The following MARCKSL1 variants were observed in gnomAD, a reference collection of about 807,000 sequenced individuals.
MARCKSL1 encodes the protein MARCKS like 1.
In MARCKSL1, 5 loss-of-function variants were observed where a neutral mutation model predicts 13.3. The ratio of observed to expected loss-of-function variants is 0.38; its 90% CI spans 0.20 to 0.79. The LOEUF (loss-of-function observed/expected upper bound fraction) is 0.79, where lower values mean the gene tolerates loss of function less well. Among genes scored for constraint, MARCKSL1 ranks in the 30% least tolerant of loss-of-function variants. The pLI, the probability that MARCKSL1 is intolerant of heterozygous loss-of-function variation, is 0.45. For synonymous variants in MARCKSL1, 126 were observed against 103.2 expected (o/e 1.22, Z -1.34); for missense variants, 274 against 251.6 (o/e 1.09, Z -0.60).
In MARCKSL1 at chr1:32,334,687, T is replaced by C; in HGVS notation, c.498A>G (p.Glu166=). 6.2e-7 allele frequency: 1 copy of C among 1,612,306 alleles called. No individual in the cohort carries two copies. The highest frequency in any genetic ancestry group is 2.2e-5 in the East Asian group (1 of 44,880). Residue 166 remains glutamate, a synonymous_variant, in exon 2 of 2, where the codon GAA becomes GAG. Coordinates refer to ENST00000329421, the MANE Select transcript of MARCKSL1 (RefSeq NM_023009.7). ...AKGAEASAAS[E]EEAGPQATEP... ...CTGTAGCCTGGGGCCCTGCCTCTTC[T>C]TCTGAGGCTGCACTAGCCTCTGCCC...
Position 32,334,497 on chromosome 1 carries a change from T to C in MARCKSL1, c.*100A>G. The C allele has an allele frequency of 4.9e-5, 68 of 1,394,794 alleles. No individual in the cohort carries two copies. Among genetic ancestry groups the C allele is most frequent in the Non-Finnish European group, 6.5e-5 (68 of 1,050,896 alleles). 86.4% of individuals were successfully genotyped at this position (1,394,794 alleles called of 1,614,324 possible). A position where few individuals can be genotyped will look rare whatever the true frequency, so the allele number is the denominator to read the frequency against. On this transcript the variant is annotated 3_prime_UTR_variant, in exon 2 of 2. Coordinates refer to ENST00000329421, the MANE Select transcript of MARCKSL1 (RefSeq NM_023009.7). Reference sequence around the variant, plus strand: ...GAGGAGGCAATAGCCCCTTCCTTTCTGGGCACAGGAAGGCAGCCAGGGCAC... The same window carrying C: ...GAGGAGGCAATAGCCCCTTCCTTTCCGGGCACAGGAAGGCAGCCAGGGCAC...
Position 32,334,713 on chromosome 1 carries a change from C to A in MARCKSL1, c.472G>T (p.Gly158Trp), listed in dbSNP as rs762745920. 30 of 1,612,622 alleles carry A rather than the reference C, an allele frequency of 1.9e-5. No individual in the cohort carries two copies. The East Asian group carries it at 6.5e-4, about 35-fold the overall frequency. ...TPESQEPQAK[G>W]AEASAASEEE... ...TCTGAGGCTGCACTAGCCTCTGCCC[C>A]CTTGGCCTGGGGTTCCTGGCTCTCA... Residue 158 changes from glycine to tryptophan, a missense_variant, in exon 2 of 2, where the codon GGG (glycine) becomes TGG (tryptophan). Gly to Trp is a radical substitution (Grantham distance 184). Transcript: ENST00000329421.
rs779090306 is a variant in MARCKSL1 at position 32,334,644 on chromosome 1, C to G, written c.541G>C (p.Gly181Arg). The G allele has an allele frequency of 4.1e-5, 65 of 1,600,374 alleles. No homozygotes were observed. Among genetic ancestry groups the G allele is most frequent in the Non-Finnish European group, 5.3e-5 (62 of 1,173,582 alleles). The change falls in exon 2 of 2, where the codon GGG (glycine) becomes CGG (arginine). Residue 181 changes from glycine (G) to arginine (R), a missense_variant. By Grantham distance (125) the Gly-to-Arg change is moderately radical (BLOSUM62 -2). Transcript: ENST00000329421. ...GCTGGTGTAGGGCCACTCTCCGGCCCCGAGGGAGTGGATGGCTCTGTAGCC... is the reference window on the plus strand; with the variant it reads ...GCTGGTGTAGGGCCACTCTCCGGCCGCGAGGGAGTGGATGGCTCTGTAGCC... Reference protein sequence around the residue: ...PQATEPSTPSGPESGPTPASA... With the variant: ...PQATEPSTPSRPESGPTPASA...
chr1:32,335,115 T>C lies in MARCKSL1; in HGVS notation c.88-18A>G, dbSNP rs779569792. The C allele has an allele frequency of 1.9e-5, 29 of 1,515,266 alleles. No homozygotes were observed. Among genetic ancestry groups the C allele is most frequent in the East Asian group, 4.6e-5 (2 of 43,808 alleles). The allele number at this position is 1,515,266 out of a possible 1,614,324, so 93.9% of individuals were successfully genotyped here. On this transcript the variant is annotated intron_variant, in intron 1 of 1. Transcript: ENST00000329421. This position sits in a 1 kb window ranked among gnomAD's most constrained non-coding sequence, Gnocchi z 4.1. ...CCATTCTCCTGCAGGGCAGAGGGAA[T>C]AGCAATGAGGGCAGGGGCTCCCCCT...
At position 32,335,241 on chromosome 1, in the gene MARCKSL1, C is replaced by G. The variant is rs1261311648; in HGVS notation, c.88-144G>C. The G allele has an allele frequency of 5.4e-6, 5 of 919,588 alleles. No individual in the cohort carries two copies. The highest frequency in any genetic ancestry group is 7.3e-6 in the Non-Finnish European group (5 of 686,302). The allele number at this position is 919,588 out of a possible 1,614,324, so 57.0% of individuals were successfully genotyped here. On this transcript the variant is annotated intron_variant, in intron 1 of 1. Coordinates refer to ENST00000329421, the MANE Select transcript of MARCKSL1 (RefSeq NM_023009.7). The surrounding 1 kb of genome is among the most constrained non-coding windows in gnomAD (Gnocchi z 4.1). ...TCAGCCTCACCCACACCCAGGATCC[C>G]GTCAAACACCTCCCTCTCGCCCCTC...
In MARCKSL1 at chr1:32,336,053, G is replaced by T; in HGVS notation, c.-20C>A. 2 of 1,272,766 alleles carry T rather than the reference G, an allele frequency of 1.6e-6. No homozygotes were observed. Among genetic ancestry groups the T allele is most frequent in the Non-Finnish European group, 1.0e-6 (1 of 1,004,168 alleles). 78.8% of individuals were successfully genotyped at this position (1,272,766 alleles called of 1,614,324 possible). A position where few individuals can be genotyped will look rare whatever the true frequency, so the allele number is the denominator to read the frequency against. ...GCCCATGATGGGGGTCTGCTGGGGGGCGCTTGGAGCCGCCCCGGGCTCGCG... is the reference window on the plus strand; with the variant it reads ...GCCCATGATGGGGGTCTGCTGGGGGTCGCTTGGAGCCGCCCCGGGCTCGCG... On this transcript the variant is annotated 5_prime_UTR_variant, in exon 1 of 2. Coordinates refer to ENST00000329421, the MANE Select transcript of MARCKSL1 (RefSeq NM_023009.7).
At position 32,335,096 on chromosome 1, in the gene MARCKSL1, T is replaced by G; in HGVS notation, c.89A>C (p.Glu30Ala). The change falls in exon 2 of 2, where the codon GAG becomes GCG. Residue 30 changes from glutamate (E) to alanine (A), a missense_variant and splice_region_variant. Coordinates refer to ENST00000329421, the MANE Select transcript of MARCKSL1 (RefSeq NM_023009.7). The surrounding 1 kb of genome is among the most constrained non-coding windows in gnomAD (Gnocchi z 4.1). The part of the protein sequence containing the change: ...GASPAKANGQ[E>A]NGHVKSNGDL... ...TCCATTGCTTTTCACGTGGCCATTC[T>G]CCTGCAGGGCAGAGGGAATAGCAAT... The G allele has an allele frequency of 5.9e-6, 9 of 1,523,104 alleles. No homozygotes were observed. Among genetic ancestry groups the G allele is most frequent in the Non-Finnish European group, 7.9e-6 (9 of 1,137,166 alleles). The allele number at this position is 1,523,104 out of a possible 1,614,324, so 94.3% of individuals were successfully genotyped here.
At position 32,334,977 on chromosome 1, in the gene MARCKSL1, G is replaced by C; in HGVS notation, c.208C>G (p.Pro70Ala). 6.2e-7 allele frequency: 1 copy of C among 1,611,876 alleles called. No individual in the cohort carries two copies. The highest frequency in any genetic ancestry group is 8.5e-7 in the Non-Finnish European group (1 of 1,179,248). ...ATGDAIEPAPPSQGAEAKGEV... is the reference protein window; with the variant it reads ...ATGDAIEPAPASQGAEAKGEV... Reference sequence around the variant, plus strand: ...CCCTTGGCCTCAGCACCCTGGCTAGGGGGTGCTGGCTCGATGGCATCGCCA... The same window carrying C: ...CCCTTGGCCTCAGCACCCTGGCTAGCGGGTGCTGGCTCGATGGCATCGCCA... Residue 70 changes from proline to alanine, a missense_variant, in exon 2 of 2, where the codon CCT becomes GCT. By Grantham distance (27) the Pro-to-Ala change is conservative (BLOSUM62 -1). Transcript: ENST00000329421.
In MARCKSL1 at chr1:32,335,133, C is replaced by A. The variant is rs1254905313; in HGVS notation, c.88-36G>T. 1 of 1,499,584 alleles carries A rather than the reference C, an allele frequency of 6.7e-7. No individual in the cohort carries two copies. Among genetic ancestry groups the A allele is most frequent in the Non-Finnish European group, 8.9e-7 (1 of 1,125,598 alleles). The allele number at this position is 1,499,584 out of a possible 1,614,324, so 92.9% of individuals were successfully genotyped here. On this transcript the variant is annotated intron_variant, in intron 1 of 1. Transcript: ENST00000329421. The surrounding 1 kb of genome is among the most constrained non-coding windows in gnomAD (Gnocchi z 4.1). Reference sequence around the variant, plus strand: ...GAGGGAATAGCAATGAGGGCAGGGGCTCCCCCTCCCCCAGCCCGCTTCTGA... The same window carrying A: ...GAGGGAATAGCAATGAGGGCAGGGGATCCCCCTCCCCCAGCCCGCTTCTGA...
In MARCKSL1 at chr1:32,336,113, G is replaced by A. The variant is rs1641389201; in HGVS notation, c.-80C>T. ...ATAGTACGGCGGGGTCGGCCCGGCC[G>A]GCGGAGGGGTGGGGCTGGCGCCCGA... On this transcript the variant is annotated 5_prime_UTR_variant, in exon 1 of 2. Coordinates refer to ENST00000329421, the MANE Select transcript of MARCKSL1 (RefSeq NM_023009.7). 4.1e-6 allele frequency: 3 copies of A among 736,676 alleles called. No individual in the cohort carries two copies. Among genetic ancestry groups the A allele is most frequent in the South Asian group, 6.1e-5 (1 of 16,286 alleles). The allele number at this position is 736,676 out of a possible 1,614,324, so 45.6% of individuals were successfully genotyped here. A position where few individuals can be genotyped will look rare whatever the true frequency, so the allele number is the denominator to read the frequency against.
Position 32,334,082 on chromosome 1 carries a change from T to C in MARCKSL1, c.*515A>G, listed in dbSNP as rs1249288251. On this transcript the variant is annotated 3_prime_UTR_variant, in exon 2 of 2. Transcript: ENST00000329421. ...CACAGTTGATTCACAGGCTGGAGGT[T>C]TGAACTTGAGTAAGACATTTATAAA... is the stretch of plus-strand genomic sequence containing the variant. 2 of 152,914 alleles carry C rather than the reference T, an allele frequency of 1.3e-5. No individual in the cohort carries two copies. Among genetic ancestry groups the C allele is most frequent in the African/African-American group, 4.8e-5 (2 of 41,438 alleles). 9.5% of individuals were successfully genotyped at this position (152,914 alleles called of 1,614,324 possible).
At position 32,333,844 on chromosome 1, in the gene MARCKSL1, GGAC is replaced by G. The variant is rs1225424113; in HGVS notation, c.*750_*752del. ...ACCACTCATTAAAGCACCACTAAAGGGACGACATTTATTCCTTTTCCAAATGTT... is the reference window on the plus strand; with the variant it reads ...ACCACTCATTAAAGCACCACTAAAGGGACATTTATTCCTTTTCCAAATGTT... On this transcript the variant is annotated 3_prime_UTR_variant, in exon 2 of 2. Transcript: ENST00000329421. The G allele has an allele frequency of 6.6e-6, 1 of 152,376 alleles. No individual in the cohort carries two copies. Among genetic ancestry groups the G allele is most frequent in the Admixed American group, 6.6e-5 (1 of 15,252 alleles). 9.4% of individuals were successfully genotyped at this position (152,376 alleles called of 1,614,324 possible).
In MARCKSL1 at chr1:32,335,866, G is replaced by A; in HGVS notation, c.87+81C>T. ...GTGTCCCGGGCCGGACAAAGCGCGCGGCCCCGGCCCCGGCCCCGGGCCCTA... is the reference window on the plus strand; with the variant it reads ...GTGTCCCGGGCCGGACAAAGCGCGCAGCCCCGGCCCCGGCCCCGGGCCCTA... On this transcript the variant is annotated intron_variant, in intron 1 of 1. Coordinates refer to ENST00000329421, the MANE Select transcript of MARCKSL1 (RefSeq NM_023009.7). The surrounding 1 kb of genome is among the most constrained non-coding windows in gnomAD (Gnocchi z 4.1). The A allele has an allele frequency of 2.6e-6, 2 of 758,650 alleles. No individual in the cohort carries two copies. The highest frequency in any genetic ancestry group is 3.6e-6 in the Non-Finnish European group (2 of 561,516). 47.0% of individuals were successfully genotyped at this position (758,650 alleles called of 1,614,324 possible). A position where few individuals can be genotyped will look rare whatever the true frequency, so the allele number is the denominator to read the frequency against.
In MARCKSL1 at chr1:32,334,862, T is replaced by A; in HGVS notation, c.323A>T (p.Asn108Ile). ...AGAATCACCCCCACCCTCCTTCCGA[T>A]TTCTCTTGAAGGACAGGCCGCTCAA... Reference protein sequence around the residue: ...FKLSGLSFKRNRKEGGGDSSA... With the variant: ...FKLSGLSFKRIRKEGGGDSSA... The change falls in exon 2 of 2, where the codon AAT becomes ATT. Residue 108 changes from asparagine (N) to isoleucine (I), a missense_variant. Coordinates refer to ENST00000329421, the MANE Select transcript of MARCKSL1 (RefSeq NM_023009.7). The A allele has an allele frequency of 6.2e-7, 1 of 1,612,528 alleles. No homozygotes were observed. The highest frequency in any genetic ancestry group is 8.5e-7 in the Non-Finnish European group (1 of 1,179,936).
Position 32,334,912 on chromosome 1 carries a change from TTTC to T in MARCKSL1, c.270_272del (p.Lys91del), listed in dbSNP as rs777887418. 1.1e-4 allele frequency: 171 copies of T among 1,612,232 alleles called. No individual in the cohort carries two copies. Among genetic ancestry groups the T allele is most frequent in the Non-Finnish European group, 1.2e-4 (147 of 1,179,970 alleles). ...ATTTGAAAGGCTTCTTGAAAGAGAA[TTTC>T]TTCTTCTTCTTGGGGGTCTCCTTGG... is the stretch of plus-strand genomic sequence containing the variant. On this transcript the variant is annotated inframe_deletion, in exon 2 of 2. Transcript: ENST00000329421.
At position 32,335,177 on chromosome 1, in the gene MARCKSL1, GTCC is replaced by G; in HGVS notation, c.88-83_88-81del. The G allele has an allele frequency of 7.4e-7, 1 of 1,343,268 alleles. No individual in the cohort carries two copies. The highest frequency in any genetic ancestry group is 9.7e-7 in the Non-Finnish European group (1 of 1,026,582). The allele number at this position is 1,343,268 out of a possible 1,614,324, so 83.2% of individuals were successfully genotyped here. ...CTTCTGATCCCTTCTAGAGGAAGGG[GTCC>G]TCGATTCGATTCTACTGCAACCCGA... On this transcript the variant is annotated intron_variant, in intron 1 of 1. Transcript: ENST00000329421. This position sits in a 1 kb window ranked among gnomAD's most constrained non-coding sequence, Gnocchi z 4.1.
chr1:32,334,692 A>G lies in MARCKSL1; in HGVS notation c.493T>C (p.Ser165Pro). The change falls in exon 2 of 2, where the codon TCA becomes CCA. Residue 165 changes from serine to proline, a missense_variant. Transcript: ENST00000329421. ...QAKGAEASAA[S>P]EEEAGPQATE... Reference sequence around the variant, plus strand: ...GCCTGGGGCCCTGCCTCTTCTTCTGAGGCTGCACTAGCCTCTGCCCCCTTG... The same window carrying G: ...GCCTGGGGCCCTGCCTCTTCTTCTGGGGCTGCACTAGCCTCTGCCCCCTTG... 2 of 1,612,384 alleles carry G rather than the reference A, an allele frequency of 1.2e-6. No individual in the cohort carries two copies. The highest frequency in any genetic ancestry group is 1.1e-5 in the South Asian group (1 of 90,850).
rs1641362205 is a variant in MARCKSL1 at position 32,335,037 on chromosome 1, G to T, written c.148C>A (p.Pro50Thr). The stretch of plus-strand genomic sequence containing the variant: ...GCTGCCTCATCTGTTCCGTTCACAG[G>T]GGGCGACTCCCCTTCACCCTTGGGG... ...LSPKGEGESP[P>T]VNGTDEAAGA... The change falls in exon 2 of 2, where the codon CCT becomes ACT. Residue 50 changes from proline (P) to threonine (T), a missense_variant. Transcript: ENST00000329421. This position sits in a 1 kb window ranked among gnomAD's most constrained non-coding sequence, Gnocchi z 4.1. The T allele has an allele frequency of 6.4e-7, 1 of 1,571,644 alleles. No individual in the cohort carries two copies. Among genetic ancestry groups the T allele is most frequent in the Admixed American group, 1.9e-5 (1 of 51,456 alleles).
At position 32,335,757 on chromosome 1, in the gene MARCKSL1, C is replaced by T. The variant is rs1308175593; in HGVS notation, c.87+190G>A. 6.7e-6 allele frequency among the ~76,000 whole-genome samples: 1 copy of T among 148,232 alleles called. No individual in the cohort carries two copies. Among genetic ancestry groups the T allele is most frequent in the Non-Finnish European group, 1.5e-5 (1 of 66,662 alleles). On this transcript the variant is annotated intron_variant, in intron 1 of 1. Transcript: ENST00000329421. This position sits in a 1 kb window ranked among gnomAD's most constrained non-coding sequence, Gnocchi z 4.1. ...AGAAGGCGGCAGGGCCCGGCCGGCG[C>T]CCCCTCCCCGCCCCTCCCCTCGCTT...
Sources: gnomAD v4.1 joint callset for allele counts (sites outside exome capture counted in the v4.1 genomes callset) on GRCh38, gnomAD v4.1.1 for gene constraint, Gnocchi (gnomAD v3.1) non-coding constraint, MANE v1.5 for transcripts, NCBI Gene and HGNC (gene_info 2026-07-23, HGNC 2026-07-21) for gene names.